The following PDE1A variants were observed in gnomAD, a reference collection of about 807,000 sequenced individuals.
PDE1A encodes the protein dual specificity calcium/calmodulin-dependent 3',5'-cyclic nucleotide phosphodiesterase 1A.
In PDE1A, 35 loss-of-function variants were observed where a neutral mutation model predicts 61.7. That is an observed-to-expected ratio of 0.57 (90% CI 0.43 to 0.75). The LOEUF (loss-of-function observed/expected upper bound fraction) is 0.75, where lower values mean the gene tolerates loss of function less well. Ranked by LOEUF, PDE1A falls within the 30% of genes least tolerant of loss-of-function variation. The probability of loss-of-function intolerance (pLI) is 0.00; values close to 1 mark genes in which losing one functional copy is unlikely to be tolerated. For missense variants in PDE1A, 597 were observed against 630.6 expected, an observed-to-expected ratio of 0.95 and a Z score of 0.57; for synonymous variants, 232 against 213.2, an observed-to-expected ratio of 1.09 and a Z score of -0.77.
the PDE1A span, among the ~76,000 whole-genome samples, chr2:182,607,176 G>C: frequency 6.6e-6 from 1 of 152,122 alleles, no homozygotes; most frequent in African/African-American, 2.4e-5. Flanking sequence ...GTGGTGATCT[G>C]GTAAGTTTCA....
At chr2:182,565,770 C>G in the PDE1A span, among the ~76,000 whole-genome samples, 1 of 152,100 alleles carries the variant, frequency 6.6e-6, no homozygotes, top group East Asian at 1.9e-4. Flanking sequence ...AAACAATCCA[C>G]TTGAATTTCC....
intron 2 of PDE1A, among the ~76,000 whole-genome samples, chr2:182,244,501 G>C (rs1309988936): frequency 1.3e-5 from 2 of 151,812 alleles, no homozygotes; most frequent in Admixed American, 6.6e-5. Context: ...TGCTGACTGA[G>C]TTATGTGTAC....
At chr2:182,633,177 G>A in the PDE1A span, among the ~76,000 whole-genome samples, 4 of 152,188 alleles carry the variant, frequency 2.6e-5, no homozygotes, top group Non-Finnish European at 5.9e-5. Context: ...AGCATAAAAT[G>A]GGTAAATAGC....
At chr2:182,270,233 A>C (rs1692920654) in intron 1 of PDE1A, among the ~76,000 whole-genome samples, 2 of 152,202 alleles carry the variant, frequency 1.3e-5, no homozygotes, top group African/African-American at 4.8e-5. Context: ...TGGTTAAATC[A>C]AGCAATTGCA....
At chr2:182,445,250 CTTCT>C (rs1685058511) in intron 2 of PDE1A, among the ~76,000 whole-genome samples, 1 of 152,074 alleles carries the variant, frequency 6.6e-6, no homozygotes, top group Non-Finnish European at 1.5e-5. Flanking sequence ...AAGGAACTTC[CTTCT>C]AAGTATAGAT....
chr2:182,277,513 G>A (rs898733726), intron 1 of PDE1A, among the ~76,000 whole-genome samples: 5 of 152,106 alleles, frequency 3.3e-5, no homozygotes. Flanking sequence ...ATGCATGACA[G>A]AATTCTCCAC....
chr2:182,679,485 G>T, the PDE1A span, among the ~76,000 whole-genome samples: 1 of 151,330 alleles, frequency 6.6e-6, no homozygotes, highest in African/African-American at 2.4e-5. Context: ...ACAGGCGTGA[G>T]CCACCGCACC....
chr2:182,489,567 G>A (rs956575578), intron 2 of PDE1A, among the ~76,000 whole-genome samples: 5 of 152,102 alleles, frequency 3.3e-5, no homozygotes, highest in African/African-American at 1.2e-4. Flanking sequence ...AGAAGTGATT[G>A]GATTCTAGAT....
intron 1 of PDE1A, among the ~76,000 whole-genome samples, chr2:182,359,526 T>A (rs1699381366): frequency 6.6e-6 from 1 of 152,146 alleles, no homozygotes; most frequent in African/African-American, 2.4e-5. Flanking sequence ...TTTGGATGCC[T>A]AAGTATACAA....
At chr2:182,544,944 C>T in the PDE1A span, among the ~76,000 whole-genome samples, 393 of 152,110 alleles carry the variant, frequency 2.6e-3, no homozygotes, top group Non-Finnish European at 3.4e-3. Context: ...ACAATAATCA[C>T]GTCTCATTTT....
At chr2:182,200,444 T>C (rs1011008378) in intron 10 of PDE1A, among the ~76,000 whole-genome samples, 4 of 152,128 alleles carry the variant, frequency 2.6e-5, no homozygotes, top group African/African-American at 9.7e-5. Context: ...CCTTGATAAA[T>C]ACTCTGGACA....
the PDE1A span, among the ~76,000 whole-genome samples, chr2:182,683,174 C>A: frequency 5.1e-4 from 77 of 150,172 alleles, no homozygotes; most frequent in Middle Eastern, 6.8e-3. Context: ...CTCACTGCAA[C>A]CTCCGCCCCC....
the PDE1A span, among the ~76,000 whole-genome samples, chr2:182,692,997 G>A: frequency 6.6e-6 from 1 of 152,050 alleles, no homozygotes; most frequent in Admixed American, 6.6e-5. Context: ...GGCTTAGGTG[G>A]CATGATGGCT....
intron 2 of PDE1A, among the ~76,000 whole-genome samples, chr2:182,463,120 AGTACCAGCTACTCG>A (rs1351711482): frequency 6.6e-6 from 1 of 152,052 alleles, no homozygotes; most frequent in African/African-American, 2.4e-5. Flanking sequence ...ATGCACCTGT[AGTACCAGCTACTCG>A]GGAGGCTGAG....
At chr2:182,304,580 C>G (rs1191352722) in intron 1 of PDE1A, among the ~76,000 whole-genome samples, 1 of 152,168 alleles carries the variant, frequency 6.6e-6, no homozygotes, top group Non-Finnish European at 1.5e-5. Context: ...TAGGAGACAT[C>G]TGACTTCCTT....
chr2:182,350,277 T>G (rs1698793346), intron 1 of PDE1A, among the ~76,000 whole-genome samples: 1 of 152,248 alleles, frequency 6.6e-6, no homozygotes, highest in Non-Finnish European at 1.5e-5. Context: ...ATTGTGCATT[T>G]GGATGATTCT....
the PDE1A span, among the ~76,000 whole-genome samples, chr2:182,538,982 C>A: frequency 1.3e-5 from 2 of 152,162 alleles, no homozygotes; most frequent in Admixed American, 1.3e-4. Context: ...GCCAGCACAT[C>A]CACACTATCT....
chr2:182,391,332 GT>G (rs1701409045), intron 1 of PDE1A, among the ~76,000 whole-genome samples: 1 of 152,048 alleles, frequency 6.6e-6, no homozygotes, highest in South Asian at 2.1e-4. Context: ...GTTAAAAAAC[GT>G]TCTAATAGTT....
intron 1 of PDE1A, among the ~76,000 whole-genome samples, chr2:182,336,312 T>G (rs1192987859): frequency 6.6e-6 from 1 of 152,138 alleles, no homozygotes. Flanking sequence ...TAAAGACACA[T>G]GCACACATAT....
Sources: allele counts gnomAD v4.1 joint callset (sites outside exome capture counted in the v4.1 genomes callset), GRCh38; gene constraint gnomAD v4.1.1; transcripts MANE v1.5; gene names NCBI Gene and HGNC (gene_info 2026-07-23, HGNC 2026-07-21).